SPATA13: variants seen among roughly 807,000 people sequenced by gnomAD.
The protein encoded by SPATA13 is spermatogenesis-associated protein 13.
In SPATA13, 50 loss-of-function variants were observed where a neutral mutation model predicts 104.0. The observed-to-expected ratio is 0.48, with a 90% CI of 0.38 to 0.61. The LOEUF (loss-of-function observed/expected upper bound fraction) is 0.61. Among genes scored for constraint, SPATA13 ranks in the 20% least tolerant of loss-of-function variants. The pLI is 0.00. For synonymous variants in SPATA13, 606 were observed against 667.5 expected, an observed-to-expected ratio of 0.91 and a Z score of 1.42; for missense variants, 1,524 against 1,690.6, an observed-to-expected ratio of 0.90 and a Z score of 1.73.
intron 2 of SPATA13, among the ~76,000 whole-genome samples, chr13:24,245,584 C>CTTTTTTTTTT (rs61316306): frequency 5.6e-5 from 5 of 88,632 alleles, no homozygotes; most frequent in Admixed American, 1.5e-4. Context: ...ACAGTTGTTT[C>CTTTTTTTTTT]TTTTTTTTTT....
chr13:24,169,710 A>G (rs747641900), intron 1 of SPATA13, among the ~76,000 whole-genome samples: 11 of 152,090 alleles, frequency 7.2e-5, no homozygotes, highest in Non-Finnish European at 1.6e-4. Context: ...CTCTCACTCA[A>G]GCTCTCTGCA....
At chr13:24,121,091 A>G (rs1365963507) in intron 3 of SPATA13, among the ~76,000 whole-genome samples, 1 of 152,160 alleles carries the variant, frequency 6.6e-6, no homozygotes, top group Non-Finnish European at 1.5e-5. Flanking sequence ...CCCTTAGATC[A>G]ACTCTTAAGA....
intron 1 of SPATA13, among the ~76,000 whole-genome samples, chr13:24,200,164 A>G (rs1160356244): frequency 2.0e-5 from 3 of 152,066 alleles, no homozygotes; most frequent in South Asian, 2.1e-4. Flanking sequence ...GATGAATACT[A>G]TTGTTATTCT....
At chr13:24,212,301 A>C (rs1417027492) in intron 1 of SPATA13, among the ~76,000 whole-genome samples, 1 of 151,040 alleles carries the variant, frequency 6.6e-6, no homozygotes, top group Non-Finnish European at 1.5e-5. Context: ...TTTAAGAAAA[A>C]AAAAAAAAAA....
chr13:24,080,105 A>G (rs1879459675), intron 3 of SPATA13, among the ~76,000 whole-genome samples: 1 of 152,252 alleles, frequency 6.6e-6, no homozygotes, highest in Non-Finnish European at 1.5e-5. Flanking sequence ...TGAATTATGA[A>G]GAAATTACTT....
At chr13:24,294,595 GA>G in intron 9 of SPATA13, 143 bp from the exon 10 acceptor site, 1 of 838,430 alleles carries the variant, frequency 1.2e-6, no homozygotes, top group Non-Finnish European at 1.7e-6. Flanking sequence ...AAGGGAACAA[GA>G]AAAAGGGAAA....
In SPATA13 at chr13:24,224,577, G is replaced by A; in HGVS notation, c.1648G>A (p.Glu550Lys). Residue 550 changes from glutamate to lysine, a missense_variant, in exon 2 of 13, where the codon GAG becomes AAG. By Grantham distance (56) the Glu-to-Lys change is moderately conservative. Around this residue, in one of 2 missense-constraint regions of SPATA13, gnomAD observed 1,089 missense variants for 1,135.9 expected, o/e 0.96. Transcript: ENST00000382108. ...AGCCGGCCCAGAAGAAAAGGAGAAG[G>A]AGGAGGTAAGGGCAGCGGCGAGGTC... ...VAAGPEEKEK[E>K]EVVPDGPWRR... 1 of 1,538,082 alleles carries A rather than the reference G, an allele frequency of 6.5e-7. No individual in the cohort carries two copies. Among genetic ancestry groups the A allele is most frequent in the Non-Finnish European group, 8.7e-7 (1 of 1,146,902 alleles).
chr13:24,301,632 C>T (rs1420902362), intron 12 of SPATA13, among the ~76,000 whole-genome samples: 1 of 152,206 alleles, frequency 6.6e-6, no homozygotes, highest in Admixed American at 6.5e-5. Context: ...CTGATTTCTT[C>T]CTTCCTGCCA....
intron 2 of SPATA13, among the ~76,000 whole-genome samples, chr13:23,994,287 G>A (rs966238475): frequency 2.0e-5 from 3 of 152,192 alleles, no homozygotes; most frequent in African/African-American, 7.2e-5. Context: ...ATGTTCATTG[G>A]TAAGAATTTG....
intron 2 of SPATA13, among the ~76,000 whole-genome samples, chr13:23,999,140 T>G (rs1555253198): frequency 1.3e-5 from 2 of 152,064 alleles, no homozygotes; most frequent in Non-Finnish European, 2.9e-5. Context: ...TTGGCCAGGC[T>G]GGTCTCGAAC....
chr13:24,058,878 G>A (rs1330975825), intron 3 of SPATA13, among the ~76,000 whole-genome samples: 2 of 151,806 alleles, frequency 1.3e-5, no homozygotes, highest in African/African-American at 2.4e-5. Flanking sequence ...TTGGACAGCT[G>A]TGCATTTGTT....
intron 2 of SPATA13, among the ~76,000 whole-genome samples, chr13:24,014,605 C>A (rs1876626123): frequency 6.6e-6 from 1 of 152,142 alleles, no homozygotes; most frequent in Non-Finnish European, 1.5e-5. Context: ...AGTGGATCAT[C>A]CAGGTAAAGG....
chr13:24,080,468 G>A (rs1055189716), intron 3 of SPATA13, among the ~76,000 whole-genome samples: 8 of 152,200 alleles, frequency 5.3e-5, no homozygotes, highest in African/African-American at 1.7e-4. Context: ...ACACTCAAAA[G>A]CTACAATCTT....
intron 2 of SPATA13, among the ~76,000 whole-genome samples, chr13:23,994,651 G>A (rs9580822): frequency 0.14 from 21,340 of 152,152 alleles, 1,875 homozygotes; most frequent in Admixed American, 0.26. Context: ...TCATCATTGA[G>A]TAATGAAGGT....
chr13:24,241,682 G>A (rs1356860237), intron 2 of SPATA13, among the ~76,000 whole-genome samples: 1 of 152,204 alleles, frequency 6.6e-6, no homozygotes, highest in Non-Finnish European at 1.5e-5. Flanking sequence ...CCCGCGTGCC[G>A]GGATAATTCA....
chr13:24,122,399 C>A, intron 3 of SPATA13: 1 of 1,584,764 alleles, frequency 6.3e-7, no homozygotes, highest in Non-Finnish European at 8.7e-7. Flanking sequence ...GAATAGCCTT[C>A]CAGAGCAGTC....
chr13:24,122,344 AT>A lies in SPATA13; in HGVS notation c.-111-100474del. 5.3e-6 allele frequency: 8 copies of A among 1,503,620 alleles called. No homozygotes were observed. In the South Asian group the frequency reaches 7.9e-5, roughly 15 times the overall value. The allele number at this position is 1,503,620 out of a possible 1,614,324, so 93.1% of individuals were successfully genotyped here. ...AATAGTTTGAAAGATAGCTTTAAATATCTGATACACATCAACAGGGTTATCT... is the reference window on the plus strand; with the variant it reads ...AATAGTTTGAAAGATAGCTTTAAATACTGATACACATCAACAGGGTTATCT... On this transcript the variant is annotated intron_variant, in intron 3 of 14. Transcript: ENST00000424834.
At chr13:24,065,696 A>C (rs148386544) in intron 3 of SPATA13, among the ~76,000 whole-genome samples, 1 of 152,360 alleles carries the variant, frequency 6.6e-6, no homozygotes, top group East Asian at 1.9e-4. Flanking sequence ...CTAGAATCAC[A>C]TGGTATTGTA....
intron 2 of SPATA13, among the ~76,000 whole-genome samples, chr13:24,009,802 C>A (rs967063364): frequency 6.6e-6 from 1 of 152,108 alleles, no homozygotes; most frequent in Non-Finnish European, 1.5e-5. Context: ...TAACTCTGGT[C>A]GGCTTTTTTT....
Sources: gnomAD v4.1 joint callset for allele counts (sites outside exome capture counted in the v4.1 genomes callset) on GRCh38, gnomAD v4.1.1 for gene constraint, gnomAD v4.1.1 regional missense constraint, MANE v1.5 for transcripts, NCBI Gene and HGNC (gene_info 2026-07-23, HGNC 2026-07-21) for gene names.